The following ARMH3 variants were observed in gnomAD, a reference collection of about 807,000 sequenced individuals.
ARMH3 encodes armadillo like helical domain containing 3.
ARMH3 carries 60 observed loss-of-function variants against 99.1 expected under a neutral mutation model. That is an observed-to-expected ratio of 0.61 (90% CI 0.49 to 0.75). The LOEUF is 0.75. Among genes scored for constraint, ARMH3 ranks in the 30% least tolerant of loss-of-function variants. ARMH3 has a pLI of 0.00. For missense variants in ARMH3, 679 were observed against 843.1 expected (o/e 0.81, Z 2.41); for synonymous variants, 285 against 292.8 (o/e 0.97, Z 0.27).
intron 24 of ARMH3, among the ~76,000 whole-genome samples, chr10:101,861,270 A>C (rs1472295532): frequency 1.3e-5 from 2 of 152,258 alleles, no homozygotes; most frequent in African/African-American, 4.8e-5. Context: ...AAAATATGTA[A>C]GCCAGAAGAC....
At chr10:101,987,582 C>A (rs1203311446) in intron 19 of ARMH3, among the ~76,000 whole-genome samples, 1 of 152,200 alleles carries the variant, frequency 6.6e-6, no homozygotes, top group Non-Finnish European at 1.5e-5. Context: ...CATATAGTCC[C>A]TTTCCACATT....
intron 19 of ARMH3, among the ~76,000 whole-genome samples, chr10:101,982,726 G>C (rs896634401): frequency 6.6e-6 from 1 of 151,986 alleles, no homozygotes; most frequent in Non-Finnish European, 1.5e-5. Flanking sequence ...GCATGCAAGG[G>C]ATCTAGGTTG....
intron 22 of ARMH3, among the ~76,000 whole-genome samples, chr10:101,940,758 T>C (rs1275452503): frequency 1.3e-5 from 2 of 152,210 alleles, no homozygotes; most frequent in Non-Finnish European, 2.9e-5. Flanking sequence ...TACAAGAACG[T>C]TCTTCCCTTG....
At position 102,016,444 on chromosome 10, in the gene ARMH3, G is replaced by A. The variant is rs1290313652; in HGVS notation, c.670-2420C>T. 4.6e-5 allele frequency among the ~76,000 whole-genome samples: 7 copies of A among 152,182 alleles called. No individual in the cohort carries two copies. In the East Asian group the frequency reaches 1.3e-3, roughly 29 times the overall value. On this transcript the variant is annotated intron_variant, in intron 8 of 25. Transcript: ENST00000370033. ...GCACAATACCTGGTACATGCTAAAG[G>A]CTTAATAATTGGTACAGGTAGCTGT...
intron 15 of ARMH3, 23 bp downstream of exon 15, chr10:102,001,948 C>T (rs1241284539): frequency 1.9e-6 from 3 of 1,605,738 alleles, no homozygotes; most frequent in Non-Finnish European, 2.6e-6. Flanking sequence ...ACTTCCTGAG[C>T]CCCCAAAATA....
In ARMH3 at chr10:102,023,534, C is replaced by T; in HGVS notation, c.612G>A (p.Glu204=). ...AGAGGACGACAGCATCATACCCATGCTCCCTACGACTTGGGGGATGGGAAA... is the reference window on the plus strand; with the variant it reads ...AGAGGACGACAGCATCATACCCATGTTCCCTACGACTTGGGGGATGGGAAA... ...QILSHPPSRR[E]HGYDAVVLLA... is the part of the protein sequence containing the mutation. Residue 204 remains glutamate, a synonymous_variant, in exon 8 of 26, where the codon GAG becomes GAA. Coordinates refer to ENST00000370033, the MANE Select transcript of ARMH3 (RefSeq NM_024541.3). The T allele has an allele frequency of 6.2e-7, 1 of 1,614,126 alleles. No homozygotes were observed. The highest frequency in any genetic ancestry group is 1.1e-5 in the South Asian group (1 of 91,080).
intron 19 of ARMH3, among the ~76,000 whole-genome samples, chr10:101,981,376 C>A (rs1328595046): frequency 1.3e-5 from 2 of 152,006 alleles, no homozygotes; most frequent in Non-Finnish European, 2.9e-5. Context: ...GTAATCCTAG[C>A]ACTTTGGGAG....
At chr10:101,851,152 C>A (rs977280150) in intron 24 of ARMH3, among the ~76,000 whole-genome samples, 3 of 152,178 alleles carry the variant, frequency 2.0e-5, no homozygotes, top group Admixed American at 6.5e-5. Flanking sequence ...TTTTCTCCCA[C>A]AACATCTCTC....
At chr10:102,050,569 G>A (rs998562299) in intron 1 of ARMH3, among the ~76,000 whole-genome samples, 3 of 152,048 alleles carry the variant, frequency 2.0e-5, no homozygotes, top group African/African-American at 4.8e-5. Context: ...TTTTATCCAA[G>A]AAAAGTCACC....
intron 5 of ARMH3, 181 bp downstream of exon 5, chr10:102,029,456 TA>T (rs1300027127): frequency 2.6e-6 from 4 of 1,546,748 alleles, no homozygotes; most frequent in Non-Finnish European, 3.5e-6. Flanking sequence ...AATTTGAATT[TA>T]AAATTTTCCT....
chr10:102,035,297 G>A (rs1339314909), intron 2 of ARMH3, among the ~76,000 whole-genome samples: 1 of 152,134 alleles, frequency 6.6e-6, no homozygotes, highest in Admixed American at 6.5e-5. Flanking sequence ...CCCGGGAGGT[G>A]GAGGTTGCAG....
At chr10:101,982,095 G>T (rs1480479165) in intron 19 of ARMH3, among the ~76,000 whole-genome samples, 1 of 150,606 alleles carries the variant, frequency 6.6e-6, no homozygotes, top group Non-Finnish European at 1.5e-5. Context: ...TTACAGGCCG[G>T]GTATAGCGGG....
chr10:101,880,721 T>A (rs1466077371), intron 24 of ARMH3, among the ~76,000 whole-genome samples: 1 of 152,074 alleles, frequency 6.6e-6, no homozygotes, highest in Non-Finnish European at 1.5e-5. Context: ...CAAGCTGAAG[T>A]ATCAGGCTCC....
intron 4 of ARMH3, among the ~76,000 whole-genome samples, chr10:102,030,325 A>G (rs1448445703): frequency 6.6e-6 from 1 of 152,178 alleles, no homozygotes; most frequent in Non-Finnish European, 1.5e-5. Context: ...TGTTTTTAAA[A>G]ATTATAAAGC....
At chr10:102,011,882 T>C in intron 10 of ARMH3, 99 bp from the exon 11 acceptor site, 1 of 902,348 alleles carries the variant, frequency 1.1e-6, no homozygotes, top group Non-Finnish European at 1.7e-6. Flanking sequence ...CTTAAAATTC[T>C]CTGACTCCAG....
At chr10:102,039,721 C>A (rs1564876996) in intron 2 of ARMH3, among the ~76,000 whole-genome samples, 1 of 152,162 alleles carries the variant, frequency 6.6e-6, no homozygotes, top group Non-Finnish European at 1.5e-5. Flanking sequence ...GCAAGTCTTT[C>A]TTTAAAATAT....
chr10:101,999,626 T>C (rs1389804032), intron 15 of ARMH3, among the ~76,000 whole-genome samples: 1 of 152,208 alleles, frequency 6.6e-6, no homozygotes, highest in African/African-American at 2.4e-5. Flanking sequence ...ATGGGGATAC[T>C]GAAATAGGGA....
At chr10:101,962,028 T>A (rs913951302) in intron 20 of ARMH3, among the ~76,000 whole-genome samples, 1 of 152,204 alleles carries the variant, frequency 6.6e-6, no homozygotes, top group South Asian at 2.1e-4. Flanking sequence ...AATACAGGAT[T>A]CTTCACCAAA....
intron 1 of ARMH3, among the ~76,000 whole-genome samples, chr10:102,048,299 C>T (rs1368687063): frequency 6.6e-6 from 1 of 152,172 alleles, no homozygotes; most frequent in Non-Finnish European, 1.5e-5. Context: ...ATAGTATCCA[C>T]AATACTTAGT....
Sources: allele counts gnomAD v4.1 joint callset (sites outside exome capture counted in the v4.1 genomes callset), GRCh38; gene constraint gnomAD v4.1.1; transcripts MANE v1.5; gene names NCBI Gene and HGNC (gene_info 2026-07-23, HGNC 2026-07-21).